The following MGA variants were observed in gnomAD, a reference collection of about 807,000 sequenced individuals.
MGA encodes MAX dimerization protein MGA.
Under a neutral mutation model 261.1 loss-of-function variants are expected in MGA, and 40 were observed. That is an observed-to-expected ratio of 0.15 (90% confidence interval 0.12 to 0.20). MGA has a LOEUF of 0.20. Ranked by LOEUF, MGA falls within the 10% of genes least tolerant of loss-of-function variation. The pLI is 1.00. For missense variants in MGA, 3,397 were observed against 3,630.5 expected (o/e 0.94, Z 1.65); for synonymous variants, 1,302 against 1,290.6 (o/e 1.01, Z -0.19).
rs376866076 is a variant in MGA at position 41,744,328 on chromosome 15, C to T, written c.5212+1156C>T. Among the ~76,000 whole-genome samples the T allele has an allele frequency of 5.3e-5, 8 of 152,078 alleles. No individual in the cohort carries two copies. In the East Asian group the frequency reaches 9.7e-4, roughly 18 times the overall value. ...ACATGATTCTCCTGCCTCAGCCTCC[C>T]GAGTAGCTGGGACTACAGGTTTATG... On this transcript the variant is annotated intron_variant, in intron 15 of 23. Transcript: ENST00000219905.
At chr15:41,729,934 C>T (rs1002351865) in intron 11 of MGA, among the ~76,000 whole-genome samples, 1 of 151,546 alleles carries the variant, frequency 6.6e-6, no homozygotes, top group Non-Finnish European at 1.5e-5. Context: ...CTCTTGTTGC[C>T]CAGGCTGGAG....
At chr15:41,712,904 A>G (rs4924573) in intron 8 of MGA, among the ~76,000 whole-genome samples, 1 of 152,092 alleles carries the variant, frequency 6.6e-6, no homozygotes, top group Non-Finnish European at 1.5e-5. Context: ...TTAGAACATT[A>G]TGTATAATTT....
chr15:41,672,175 G>A (rs577507968), intron 2 of MGA, among the ~76,000 whole-genome samples: 17 of 152,298 alleles, frequency 1.1e-4, no homozygotes, highest in Admixed American at 8.5e-4. Flanking sequence ...TGTTTTTCGA[G>A]ATAGTGTATG....
chr15:41,760,563 G>T, intron 20 of MGA, 34 bp downstream of exon 20: 1 of 1,594,538 alleles, frequency 6.3e-7, no homozygotes, highest in South Asian at 1.1e-5. Context: ...GTAAGAGCTT[G>T]ACTAAGAGAT....
At chr15:41,728,547 A>G (rs868120918) in intron 10 of MGA, among the ~76,000 whole-genome samples, 1 of 152,198 alleles carries the variant, frequency 6.6e-6, no homozygotes, top group African/African-American at 2.4e-5. Context: ...TAGAAAAGAA[A>G]ATGTTACTAA....
At chr15:41,725,289 A>G (rs1015885212) in intron 9 of MGA, among the ~76,000 whole-genome samples, 1 of 152,208 alleles carries the variant, frequency 6.6e-6, no homozygotes, top group Non-Finnish European at 1.5e-5. Flanking sequence ...CCTGGGTAAC[A>G]TAGTGAGACC....
chr15:41,643,805 G>A (rs536839032), intron 1 of MGA, among the ~76,000 whole-genome samples: 3 of 140,630 alleles, frequency 2.1e-5, no homozygotes, highest in African/African-American at 5.3e-5. Context: ...TCACTAAGTC[G>A]CCTCCGCCCG....
intron 9 of MGA, among the ~76,000 whole-genome samples, chr15:41,725,353 A>G (rs928888046): frequency 4.6e-5 from 7 of 152,240 alleles, no homozygotes; most frequent in African/African-American, 1.7e-4. Flanking sequence ...TTAACTCTTA[A>G]CAACTAAACC....
intron 11 of MGA, among the ~76,000 whole-genome samples, chr15:41,730,377 T>C (rs973075578): frequency 1.3e-4 from 19 of 151,808 alleles, no homozygotes; most frequent in Admixed American, 2.0e-4. Flanking sequence ...AGGCCAAGGT[T>C]GCACTGAGCT....
At chr15:41,683,152 A>G (rs186452975) in intron 2 of MGA, among the ~76,000 whole-genome samples, 5 of 152,176 alleles carry the variant, frequency 3.3e-5, no homozygotes, top group Non-Finnish European at 5.9e-5. Context: ...AGAACCTTTT[A>G]TTGATCCCTC....
At chr15:41,740,246 G>T (rs764140597) in intron 14 of MGA, 43 bp downstream of exon 14, 2 of 1,594,746 alleles carry the variant, frequency 1.3e-6, no homozygotes, top group Non-Finnish European at 1.7e-6. Flanking sequence ...CCTATGACTT[G>T]GTGGTGGGAC....
chr15:41,670,032 G>C, intron 2 of MGA, 74 bp downstream of exon 2: 3 of 1,221,648 alleles, frequency 2.5e-6, no homozygotes, highest in Non-Finnish European at 3.4e-6. Context: ...TTAACATCTT[G>C]GTTCTGTGGA....
chr15:41,690,696 G>A (rs1399148487), intron 2 of MGA, among the ~76,000 whole-genome samples: 1 of 152,030 alleles, frequency 6.6e-6, no homozygotes, highest in African/African-American at 2.4e-5. Context: ...CTCTACTAAA[G>A]AGAACCTGTC....
intron 9 of MGA, among the ~76,000 whole-genome samples, chr15:41,724,588 A>G (rs1163359259): frequency 6.6e-6 from 1 of 152,216 alleles, no homozygotes; most frequent in Non-Finnish European, 1.5e-5. Context: ...AAGATGAGGC[A>G]GTGAGATGAT....
chr15:41,739,041 T>C (rs530376359), intron 13 of MGA, among the ~76,000 whole-genome samples: 4 of 152,130 alleles, frequency 2.6e-5, no homozygotes, highest in South Asian at 4.1e-4. Flanking sequence ...AAAGGAAATA[T>C]AGAAAAGGTT....
intron 1 of MGA, among the ~76,000 whole-genome samples, chr15:41,638,946 A>G (rs1362211357): frequency 1.3e-5 from 2 of 151,808 alleles, no homozygotes; most frequent in African/African-American, 4.8e-5. Context: ...CTTGGGATCA[A>G]GTGATCCACC....
rs552968245 is a variant in MGA, at chr15:41,739,536, C to T, written c.4435-517C>T. On this transcript the variant is annotated intron_variant, in intron 13 of 23. Coordinates refer to ENST00000219905, the MANE Select transcript of MGA (RefSeq NM_001164273.2). ...TATCAGAGAGATTCTGTGGGACACT[C>T]ATTTTTGCTGATGAGGTTAATAGCT... Among the ~76,000 whole-genome samples, 129 of 152,260 alleles carry T rather than the reference C, an allele frequency of 8.5e-4. No homozygotes were observed. The South Asian group carries it at 0.015, about 18-fold the overall frequency.
Position 41,696,456 on chromosome 15 carries a change from G to T in MGA, c.1446G>T (p.Lys482Asn), listed in dbSNP as rs765283602. The T allele has an allele frequency of 7.4e-6, 12 of 1,613,978 alleles. No homozygotes were observed. The South Asian group carries it at 8.8e-5, about 12-fold the overall frequency. The change falls in exon 3 of 24, where the codon AAG (lysine) becomes AAT (asparagine). Residue 482 changes from lysine (K) to asparagine (N), a missense_variant. Lys to Asn is a moderately conservative substitution (Grantham distance 94). This residue lies in a region of MGA where 563 missense variants were observed against 563.6 expected (regional missense o/e 1.00). Transcript: ENST00000219905. ...GTGCTGTCACCAGAAGCACAGTTAA[G>T]ATTTCTGAACTCCCCGATAACATGC...
intron 1 of MGA, among the ~76,000 whole-genome samples, chr15:41,640,144 A>C (rs1356553820): frequency 6.6e-6 from 1 of 152,198 alleles, no homozygotes; most frequent in Non-Finnish European, 1.5e-5. Context: ...AGGGAGAATG[A>C]TGCTGGTGAA....
Sources: gnomAD v4.1 joint callset for allele counts (sites outside exome capture counted in the v4.1 genomes callset) on GRCh38, gnomAD v4.1.1 for gene constraint, gnomAD v4.1.1 regional missense constraint, MANE v1.5 for transcripts, NCBI Gene and HGNC (gene_info 2026-07-23, HGNC 2026-07-21) for gene names.